Variants in HMCN1 observed in about 807,000 individuals in gnomAD.
The protein encoded by HMCN1 is hemicentin 1.
A neutral mutation model predicts 625.9 loss-of-function variants in HMCN1; 321 were observed. The observed-to-expected ratio is 0.51, with a 90% confidence interval of 0.47 to 0.56. The LOEUF (loss-of-function observed/expected upper bound fraction) is 0.56, where lower values mean the gene tolerates loss of function less well. HMCN1 is among the 20% of genes least tolerant of loss of function. The pLI is 0.00. For synonymous variants in HMCN1, 2,425 were observed against 2,417.6 expected (o/e 1.00, Z -0.09); for missense variants, 6,588 against 6,887.3 (o/e 0.96, Z 1.54).
chr1:186,104,636 A>G (rs1447250257), intron 69 of HMCN1, among the ~76,000 whole-genome samples: 45 of 152,126 alleles, frequency 3.0e-4, no homozygotes, highest in Non-Finnish European at 1.5e-5. Context: ...CAAATCCAAA[A>G]TCAGGTGCAG....
rs538780394 is a variant in HMCN1 at position 185,970,961 on chromosome 1, C to T, written c.2371+468C>T. 2.6e-5 allele frequency among the ~76,000 whole-genome samples: 4 copies of T among 152,142 alleles called. No individual in the cohort carries two copies. The East Asian group carries it at 7.7e-4, about 29-fold the overall frequency. On this transcript the variant is annotated intron_variant, in intron 15 of 106. Transcript: ENST00000271588. ...AGCCATGAGCCACCACACTGGGCCA[C>T]TTTCTAGGTACCGTTCGCTGTGTCA...
intron 57 of HMCN1, among the ~76,000 whole-genome samples, chr1:186,085,597 C>A (rs1343346886): frequency 6.6e-6 from 1 of 152,018 alleles, no homozygotes; most frequent in African/African-American, 2.4e-5. Context: ...TCATAACAGC[C>A]CCCTCTCACT....
At chr1:186,161,492 G>A (rs1651475685) in intron 97 of HMCN1, among the ~76,000 whole-genome samples, 1 of 152,012 alleles carries the variant, frequency 6.6e-6, no homozygotes, top group East Asian at 1.9e-4. Context: ...TTGCTCGTTA[G>A]TTGATGCAGT....
intron 105 of HMCN1, among the ~76,000 whole-genome samples, chr1:186,184,024 CATTA>C (rs1449906733): frequency 6.6e-6 from 1 of 152,152 alleles, no homozygotes; most frequent in East Asian, 1.9e-4. Context: ...ATTTTATTCT[CATTA>C]GAGAATTTTT....
intron 83 of HMCN1, among the ~76,000 whole-genome samples, 160 bp downstream of exon 83, chr1:186,128,451 T>C (rs1205486404): frequency 2.0e-5 from 3 of 151,972 alleles, no homozygotes; most frequent in African/African-American, 7.2e-5. Context: ...CTCTACCCAA[T>C]ATATATGTTT....
intron 11 of HMCN1, among the ~76,000 whole-genome samples, chr1:185,938,052 T>C (rs998800829): frequency 6.6e-6 from 1 of 151,874 alleles, no homozygotes; most frequent in Non-Finnish European, 1.5e-5. Flanking sequence ...ATGGATGTGG[T>C]GCATAAATTT....
intron 11 of HMCN1, among the ~76,000 whole-genome samples, chr1:185,957,930 G>A (rs984708555): frequency 6.6e-6 from 1 of 151,832 alleles, no homozygotes; most frequent in Non-Finnish European, 1.5e-5. Context: ...CACGTGACAT[G>A]GTAAGTAGCA....
chr1:185,800,555 T>G (rs1658727722), intron 1 of HMCN1, among the ~76,000 whole-genome samples: 1 of 152,110 alleles, frequency 6.6e-6, no homozygotes, highest in Non-Finnish European at 1.5e-5. Flanking sequence ...TTTTGAAGAT[T>G]AGTGATAAGC....
chr1:185,776,383 T>G (rs1055704971), intron 1 of HMCN1, among the ~76,000 whole-genome samples: 1 of 151,894 alleles, frequency 6.6e-6, no homozygotes, highest in Non-Finnish European at 1.5e-5. Flanking sequence ...CCTGGGTAAG[T>G]GAGGAACATG....
At chr1:185,944,542 A>G (rs924957402) in intron 11 of HMCN1, among the ~76,000 whole-genome samples, 2 of 152,236 alleles carry the variant, frequency 1.3e-5, no homozygotes, top group Non-Finnish European at 2.9e-5. Context: ...GTGTAATCAC[A>G]GCTCAATTTT....
chr1:185,935,582 A>G (rs1348192487), intron 11 of HMCN1, among the ~76,000 whole-genome samples: 1 of 151,670 alleles, frequency 6.6e-6, no homozygotes, highest in South Asian at 2.1e-4. Context: ...TATATAATAC[A>G]CAAAACATAA....
At chr1:186,132,724 T>C (rs953017825) in intron 86 of HMCN1, among the ~76,000 whole-genome samples, 9 of 152,036 alleles carry the variant, frequency 5.9e-5, no homozygotes, top group Non-Finnish European at 1.2e-4. Flanking sequence ...TGTATACATG[T>C]GCCATGTTGG....
intron 73 of HMCN1, 62 bp from the exon 74 acceptor site, chr1:186,114,754 CAGT>C (rs1363018427): frequency 1.3e-6 from 2 of 1,576,758 alleles, no homozygotes. Flanking sequence ...ACATTTCCCT[CAGT>C]CAAAATATGA....
intron 11 of HMCN1, among the ~76,000 whole-genome samples, chr1:185,960,090 T>C (rs1202137906): frequency 6.6e-6 from 1 of 152,088 alleles, no homozygotes; most frequent in Non-Finnish European, 1.5e-5. Context: ...TCTGTATTTG[T>C]TCATGTTCTA....
chr1:186,090,968 G>A (rs1351217930), intron 64 of HMCN1, 51 bp downstream of exon 64: 2 of 1,515,680 alleles, frequency 1.3e-6, no homozygotes, highest in Non-Finnish European at 1.8e-6. Context: ...CTTCTACAAT[G>A]CTTTATGCTT....
intron 82 of HMCN1, among the ~76,000 whole-genome samples, chr1:186,127,305 G>A (rs1661696335): frequency 1.3e-5 from 2 of 151,894 alleles, no homozygotes; most frequent in African/African-American, 4.8e-5. Context: ...TCAGTATTTG[G>A]GTTGGAGATA....
At chr1:185,833,193 C>A (rs748207583) in intron 1 of HMCN1, among the ~76,000 whole-genome samples, 3 of 152,174 alleles carry the variant, frequency 2.0e-5, no homozygotes, top group Non-Finnish European at 4.4e-5. Context: ...CTGTCAAATA[C>A]GAGGCATCTG....
At chr1:185,925,794 C>T (rs1667246585) in intron 9 of HMCN1, among the ~76,000 whole-genome samples, 1 of 152,152 alleles carries the variant, frequency 6.6e-6, no homozygotes, top group Non-Finnish European at 1.5e-5. Flanking sequence ...GGTATTCAAA[C>T]ACCAGGAAGA....
chr1:185,770,540 A>G (rs1254932653), intron 1 of HMCN1, among the ~76,000 whole-genome samples: 1 of 152,188 alleles, frequency 6.6e-6, no homozygotes. Context: ...ATAATGCAGT[A>G]TCTCCATCTT....
Sources: gnomAD v4.1 joint callset for allele counts (sites outside exome capture counted in the v4.1 genomes callset) on GRCh38, gnomAD v4.1.1 for gene constraint, MANE v1.5 for transcripts, NCBI Gene and HGNC (gene_info 2026-07-23, HGNC 2026-07-21) for gene names.